The following CUX1 variants were observed in gnomAD, a reference collection of about 807,000 sequenced individuals.
The protein encoded by CUX1 is cut like homeobox 1.
In CUX1, 31 loss-of-function variants were observed where a neutral mutation model predicts 158.8. That is an observed-to-expected ratio of 0.20 (90% CI 0.15 to 0.26). The LOEUF (loss-of-function observed/expected upper bound fraction) is 0.26. Among genes scored for constraint, CUX1 ranks in the 10% least tolerant of loss-of-function variants. The pLI is 1.00. For synonymous variants in CUX1, 879 were observed against 862.1 expected (o/e 1.02, Z -0.34); for missense variants, 1,589 against 2,014.6 (o/e 0.79, Z 4.04).
At chr7:101,874,297 A>T (rs547791658) in intron 1 of CUX1, among the ~76,000 whole-genome samples, 1 of 152,220 alleles carries the variant, frequency 6.6e-6, no homozygotes, top group Admixed American at 6.5e-5. Context: ...TGAGGAAATA[A>T]GGGCTTAATA....
intron 1 of CUX1, among the ~76,000 whole-genome samples, chr7:101,880,702 T>A (rs1258725142): frequency 6.6e-6 from 1 of 152,194 alleles, no homozygotes; most frequent in African/African-American, 2.4e-5. Context: ...ATTAAATCAT[T>A]TTTATGCATC....
chr7:101,993,815 C>CTG (rs574082551), intron 2 of CUX1, among the ~76,000 whole-genome samples: 131 of 152,260 alleles, frequency 8.6e-4, no homozygotes, highest in African/African-American at 2.9e-3. Context: ...CATTCTCAGG[C>CTG]TGTTTGAGCC....
chr7:102,278,283 T>G (rs1228413376), intron 18 of CUX1, among the ~76,000 whole-genome samples: 1 of 152,112 alleles, frequency 6.6e-6, no homozygotes, highest in Non-Finnish European at 1.5e-5. Flanking sequence ...CCTGTCCAGA[T>G]TCATTCATAA....
rs1824739792 is a variant in CUX1 at position 102,060,688 on chromosome 7, C to CT, written c.190-9650dup. ...AGTGCAGTGGCATGGTCTTGGGTCA[C>CT]TGCAACCTCCACCTTCTGGGTTCAA... is the stretch of plus-strand genomic sequence containing the variant. On this transcript the variant is annotated intron_variant, in intron 3 of 23. Coordinates refer to ENST00000292535, the MANE Select transcript of CUX1 (RefSeq NM_181552.4). Among the ~76,000 whole-genome samples, 3 of 150,184 alleles carry CT rather than the reference C, an allele frequency of 2.0e-5. No homozygotes were observed. The South Asian group carries it at 6.3e-4, about 32-fold the overall frequency.
chr7:102,223,630 A>C (rs1798051473), intron 20 of CUX1, among the ~76,000 whole-genome samples: 1 of 152,164 alleles, frequency 6.6e-6, no homozygotes, highest in Admixed American at 6.5e-5. Context: ...TTTCTGAAAC[A>C]ACAAGGCTTT....
intron 2 of CUX1, among the ~76,000 whole-genome samples, chr7:101,939,620 C>A (rs1406072373): frequency 6.6e-6 from 1 of 151,870 alleles, no homozygotes; most frequent in African/African-American, 2.4e-5. Flanking sequence ...TCGCTTGAGC[C>A]CAGGAGTTTG....
At chr7:102,275,425 C>G (rs1451003895) in intron 17 of CUX1, 17 of 1,297,058 alleles carry the variant, frequency 1.3e-5, no homozygotes, top group Non-Finnish European at 1.9e-5. Flanking sequence ...AACACACAGG[C>G]TTTCAGGAGA....
chr7:102,105,504 C>CTTTTTTTTTT, intron 6 of CUX1, among the ~76,000 whole-genome samples: 1 of 85,876 alleles, frequency 1.2e-5, no homozygotes, highest in Non-Finnish European at 2.1e-5. Flanking sequence ...CCATATAGAT[C>CTTTTTTTTTT]TTTTTTTTTT....
At chr7:102,104,218 G>A in intron 5 of CUX1, 118 bp from the exon 6 acceptor site, 1 of 957,662 alleles carries the variant, frequency 1.0e-6, no homozygotes, top group Non-Finnish European at 1.5e-6. Context: ...TTGTGTCAGA[G>A]TTGAAGAGCT....
chr7:102,026,843 A>C (rs1278398826), intron 2 of CUX1, among the ~76,000 whole-genome samples: 1 of 138,176 alleles, frequency 7.2e-6, no homozygotes, highest in South Asian at 2.3e-4. Flanking sequence ...AAAAAAAAAA[A>C]ACATAGTTTC....
chr7:102,192,167 C>G (rs77213127), intron 12 of CUX1, among the ~76,000 whole-genome samples: 4,049 of 152,284 alleles, frequency 0.027, 205 homozygotes, highest in African/African-American at 0.093. Flanking sequence ...CTTCCTCACC[C>G]CCACGCAACA....
rs188017438 is a variant in CUX1 at position 101,889,623 on chromosome 7, T to C, written c.31-26492T>C. On this transcript the variant is annotated intron_variant, in intron 1 of 23. Transcript: ENST00000292535. ...CCATTTCTACTAAAAATACAAAAAA[T>C]TAGCTGGGCCTGGTGGTGAGCACCT... Among the ~76,000 whole-genome samples the C allele has an allele frequency of 4.1e-3, 626 of 152,092 alleles. 13 individuals carry two copies. The highest frequency in any genetic ancestry group is 0.032 in the Admixed American group (487 of 15,274).
Position 102,249,595 on chromosome 7 carries a change from T to G in CUX1, c.*553T>G. The G allele has an allele frequency of 8.1e-6, 8 of 985,606 alleles. No homozygotes were observed. The highest frequency in any genetic ancestry group is 1.7e-5 in the African/African-American group (1 of 57,310). The allele number at this position is 985,606 out of a possible 1,614,324, so 61.1% of individuals were successfully genotyped here. On this transcript the variant is annotated 3_prime_UTR_variant, in exon 24 of 24. Transcript: ENST00000292535. ...TAAAAGAAAAAAAATCAAACCCACATATTAAAAGGGGGCTTTTTATCTGCC... is the reference window on the plus strand; with the variant it reads ...TAAAAGAAAAAAAATCAAACCCACAGATTAAAAGGGGGCTTTTTATCTGCC...
rs369231220 is a variant in CUX1, at chr7:102,189,365, C to CG, written c.1018-440dup. ...GATTCTTCCTTCTTTTTTTTGGGTG[C>CG]GGGGGGGGATGCTTTTTTTTTTTTT... On this transcript the variant is annotated intron_variant, in intron 11 of 23. Transcript: ENST00000292535. Among the ~76,000 whole-genome samples, 135 of 60,402 alleles carry CG rather than the reference C, an allele frequency of 2.2e-3. 2 individuals carry two copies. Among genetic ancestry groups the CG allele is most frequent in the Non-Finnish European group, 4.0e-3 (98 of 24,390 alleles). 39.6% of individuals were successfully genotyped at this position (60,402 alleles called of 152,430 possible). A position where few individuals can be genotyped will look rare whatever the true frequency, so the allele number is the denominator to read the frequency against.
Position 101,895,912 on chromosome 7 carries a change from T to TG in CUX1, c.31-20203_31-20202insG, listed in dbSNP as rs202223876. ...TAAAGTTTTTTTTTTGTTTTTGTTT[T>TG]TTTTTTTTTTTTTTGGAGACAGGGT... On this transcript the variant is annotated intron_variant, in intron 1 of 23. Transcript: ENST00000292535. Among the ~76,000 whole-genome samples, 174 of 110,606 alleles carry TG rather than the reference T, an allele frequency of 1.6e-3. 5 individuals are homozygous for TG. Among genetic ancestry groups the TG allele is most frequent in the Middle Eastern group, 4.1e-3 (1 of 244 alleles). The allele number at this position is 110,606 out of a possible 152,430, so 72.6% of individuals were successfully genotyped here. A position where few individuals can be genotyped will look rare whatever the true frequency, so the allele number is the denominator to read the frequency against.
intron 4 of CUX1, among the ~76,000 whole-genome samples, chr7:102,092,924 AAAAAAAAAGAAAG>A (rs1336913283): frequency 8.5e-5 from 9 of 106,064 alleles, no homozygotes; most frequent in South Asian, 2.6e-4. Context: ...AAAAAAAAAA[AAAAAAAAAGAAAG>A]AAAGAAAAGA....
At chr7:102,111,007 G>C (rs1405815245) in intron 6 of CUX1, among the ~76,000 whole-genome samples, 1 of 152,046 alleles carries the variant, frequency 6.6e-6, no homozygotes. Flanking sequence ...TTTGTAAACT[G>C]TGTCATTTCT....
At chr7:101,871,504 T>C (rs934260300) in intron 1 of CUX1, among the ~76,000 whole-genome samples, 4 of 151,998 alleles carry the variant, frequency 2.6e-5, no homozygotes, top group Non-Finnish European at 5.9e-5. Context: ...CCTTCCCAGA[T>C]GAAGCATGCA....
chr7:102,069,491 G>A (rs1825901344), intron 3 of CUX1, among the ~76,000 whole-genome samples: 1 of 152,206 alleles, frequency 6.6e-6, no homozygotes, highest in Admixed American at 6.5e-5. Context: ...GCTCACGCCT[G>A]TAATCCCCGC....
Sources: allele counts gnomAD v4.1 joint callset (sites outside exome capture counted in the v4.1 genomes callset), GRCh38; gene constraint gnomAD v4.1.1; transcripts MANE v1.5; gene names NCBI Gene and HGNC (gene_info 2026-07-23, HGNC 2026-07-21).